Variants in CSMD1 observed in about 807,000 individuals in gnomAD.
CSMD1 encodes CUB and Sushi multiple domains 1, also known as CUB and sushi domain-containing protein 1.
In CSMD1, 213 loss-of-function variants were observed where a neutral mutation model predicts 417.5. The ratio of observed to expected loss-of-function variants is 0.51; its 90% CI spans 0.46 to 0.57. The LOEUF is 0.57. Ranked by LOEUF, CSMD1 falls within the 20% of genes least tolerant of loss-of-function variation. The probability of loss-of-function intolerance (pLI) is 0.00; values close to 1 mark genes in which losing one functional copy is unlikely to be tolerated. For missense variants in CSMD1, 6,923 were observed against 4,529.7 expected (o/e 1.53, Z -15.17); for synonymous variants, 2,862 against 1,736.8 (o/e 1.65, Z -16.11).
chr8:2,996,286 AT>A (rs1185988745), intron 54 of CSMD1, among the ~76,000 whole-genome samples: 3 of 152,242 alleles, frequency 2.0e-5, no homozygotes, highest in Non-Finnish European at 4.4e-5. Context: ...GTAATTTACC[AT>A]GTTAAAACAT....
At chr8:3,303,215 A>T (rs1013383999) in intron 25 of CSMD1, among the ~76,000 whole-genome samples, 1 of 152,176 alleles carries the variant, frequency 6.6e-6, no homozygotes, top group African/African-American at 2.4e-5. Flanking sequence ...CCCATGGTCT[A>T]TGTACAGAGG....
chr8:3,953,666 C>A lies in CSMD1; in HGVS notation c.818+44237G>T, dbSNP rs1295687283. ...CACCTAAGAACGCTGGGACTGGGAGCCTGGGGAAGTGATGGCGGGGAGGGG... is the reference window on the plus strand; with the variant it reads ...CACCTAAGAACGCTGGGACTGGGAGACTGGGGAAGTGATGGCGGGGAGGGG... On this transcript the variant is annotated intron_variant, in intron 5 of 69. Transcript: ENST00000635120. Among the ~76,000 whole-genome samples the A allele has an allele frequency of 5.3e-5, 8 of 152,016 alleles. No homozygotes were observed. The East Asian group carries it at 1.4e-3, about 26-fold the overall frequency.
At chr8:3,927,998 T>C (rs1027573853) in intron 5 of CSMD1, among the ~76,000 whole-genome samples, 1 of 152,196 alleles carries the variant, frequency 6.6e-6, no homozygotes, top group Non-Finnish European at 1.5e-5. Context: ...ATATGATGGT[T>C]TTAAAATATT....
intron 1 of CSMD1, among the ~76,000 whole-genome samples, chr8:4,834,850 G>C (rs1006387007): frequency 4.0e-4 from 60 of 150,994 alleles, no homozygotes; most frequent in Non-Finnish European, 8.1e-4. Context: ...CCAGCTACTT[G>C]GGAGGCTGAG....
intron 5 of CSMD1, among the ~76,000 whole-genome samples, chr8:3,952,454 T>G (rs764541673): frequency 1.1e-4 from 16 of 152,356 alleles, no homozygotes; most frequent in Non-Finnish European, 2.2e-4. Context: ...ATTAATTGAT[T>G]CACATACACT....
At chr8:3,189,452 T>C (rs1224456349) in intron 34 of CSMD1, among the ~76,000 whole-genome samples, 4 of 152,238 alleles carry the variant, frequency 2.6e-5, no homozygotes, top group Non-Finnish European at 5.9e-5. Flanking sequence ...CAAGTGCTAA[T>C]CATGATTGCG....
At chr8:3,423,786 T>C (rs35287734) in intron 12 of CSMD1, among the ~76,000 whole-genome samples, 1 of 152,224 alleles carries the variant, frequency 6.6e-6, no homozygotes. Flanking sequence ...AATAGGCACA[T>C]ACTTTTTGGT....
At chr8:4,098,106 T>C (rs1801116009) in intron 3 of CSMD1, among the ~76,000 whole-genome samples, 1 of 152,198 alleles carries the variant, frequency 6.6e-6, no homozygotes, top group South Asian at 2.1e-4. Flanking sequence ...AAAGGCTGAA[T>C]TAAGATGATC....
At chr8:3,346,718 G>C (rs773284141) in intron 22 of CSMD1, among the ~76,000 whole-genome samples, 2 of 152,190 alleles carry the variant, frequency 1.3e-5, no homozygotes, top group Non-Finnish European at 2.9e-5. Flanking sequence ...TCTGTAAAGG[G>C]AGGACACACA....
chr8:4,312,465 G>GTATATA (rs140158264), intron 3 of CSMD1, among the ~76,000 whole-genome samples: 1 of 119,246 alleles, frequency 8.4e-6, no homozygotes, highest in Non-Finnish European at 1.7e-5. Context: ...ATATATGCGC[G>GTATATA]TATATATATA....
At chr8:4,195,377 C>A (rs940311884) in intron 3 of CSMD1, among the ~76,000 whole-genome samples, 2 of 152,124 alleles carry the variant, frequency 1.3e-5, no homozygotes, top group Non-Finnish European at 2.9e-5. Flanking sequence ...TCTTCTATAA[C>A]ATTTTTTAAA....
At chr8:4,210,444 A>C (rs1395145485) in intron 3 of CSMD1, among the ~76,000 whole-genome samples, 1 of 152,218 alleles carries the variant, frequency 6.6e-6, no homozygotes, top group Non-Finnish European at 1.5e-5. Flanking sequence ...TTTTAAACAA[A>C]AAAGATCAAG....
intron 3 of CSMD1, among the ~76,000 whole-genome samples, chr8:4,414,666 A>G (rs998203326): frequency 3.3e-5 from 5 of 152,198 alleles, no homozygotes; most frequent in African/African-American, 1.2e-4. Context: ...ATTTTTCAAT[A>G]CCAATACTTA....
At chr8:4,965,378 C>A (rs1299206607) in intron 1 of CSMD1, among the ~76,000 whole-genome samples, 1 of 152,148 alleles carries the variant, frequency 6.6e-6, no homozygotes, top group Non-Finnish European at 1.5e-5. Flanking sequence ...ACAAGGTCCC[C>A]CTATCTGAAT....
At chr8:4,101,244 C>T (rs760397235) in intron 3 of CSMD1, among the ~76,000 whole-genome samples, 2 of 152,142 alleles carry the variant, frequency 1.3e-5, no homozygotes, top group African/African-American at 2.4e-5. Flanking sequence ...GCTGTTTCTC[C>T]CCTGAGGTTA....
intron 38 of CSMD1, among the ~76,000 whole-genome samples, chr8:3,160,585 C>A (rs1819823803): frequency 6.6e-6 from 1 of 152,162 alleles, no homozygotes; most frequent in Non-Finnish European, 1.5e-5. Context: ...GCTCTGCCTC[C>A]AATCTTTTTG....
rs190876007 is a variant in CSMD1 at position 4,528,290 on chromosome 8, G to A, written c.303-108225C>T. Among the ~76,000 whole-genome samples the A allele has an allele frequency of 4.0e-4, 61 of 152,214 alleles. 1 individual carries two copies. The East Asian group carries it at 0.01, about 26-fold the overall frequency. The stretch of plus-strand genomic sequence containing the variant: ...CAATTAATCCCTACCTCTCTAGAGA[G>A]CCATCCATGAACAGCAACAACAAAA... On this transcript the variant is annotated intron_variant, in intron 2 of 69. Transcript: ENST00000635120.
At chr8:3,142,008 A>G (rs1001798489) in intron 41 of CSMD1, among the ~76,000 whole-genome samples, 2 of 152,092 alleles carry the variant, frequency 1.3e-5, no homozygotes, top group Non-Finnish European at 2.9e-5. Context: ...CGTGTTAGCC[A>G]GGATGGTCTC....
chr8:4,397,864 A>G (rs570212458), intron 3 of CSMD1, among the ~76,000 whole-genome samples: 1 of 152,158 alleles, frequency 6.6e-6, no homozygotes, highest in Non-Finnish European at 1.5e-5. Flanking sequence ...TTTCTAATTA[A>G]AACAATTTTC....
Sources: gnomAD v4.1 joint callset for allele counts (sites outside exome capture counted in the v4.1 genomes callset) on GRCh38, gnomAD v4.1.1 for gene constraint, MANE v1.5 for transcripts, NCBI Gene and HGNC (gene_info 2026-07-23, HGNC 2026-07-21) for gene names.